Variants in COL25A1 observed in about 807,000 individuals in gnomAD.
The protein encoded by COL25A1 is collagen alpha-1(XXV) chain.
In COL25A1, 103 loss-of-function variants were observed where a neutral mutation model predicts 128.4. The ratio of observed to expected loss-of-function variants is 0.80; its 90% confidence interval spans 0.68 to 0.94. The LOEUF (loss-of-function observed/expected upper bound fraction) is 0.94, where lower values mean the gene tolerates loss of function less well. COL25A1 is among the 40% of genes least tolerant of loss of function. The probability of loss-of-function intolerance (pLI) is 0.00; values close to 1 mark genes in which losing one functional copy is unlikely to be tolerated. For synonymous variants in COL25A1, 279 were observed against 277.2 expected, an observed-to-expected ratio of 1.01 and a Z score of -0.06; for missense variants, 745 against 840.0, an observed-to-expected ratio of 0.89 and a Z score of 1.40.
chr4:108,837,105 T>C (rs960979429), intron 31 of COL25A1, among the ~76,000 whole-genome samples: 1 of 152,134 alleles, frequency 6.6e-6, no homozygotes, highest in Admixed American at 6.6e-5. Context: ...AATAAACCTA[T>C]ATTTTAATAC....
chr4:108,903,977 G>GA (rs1187539438), intron 13 of COL25A1, among the ~76,000 whole-genome samples: 1 of 151,958 alleles, frequency 6.6e-6, no homozygotes, highest in Admixed American at 6.6e-5. Context: ...AAAGCTAGAG[G>GA]AAAAAATGAC....
chr4:109,026,006 C>T (rs572991113), intron 5 of COL25A1, among the ~76,000 whole-genome samples: 7 of 151,342 alleles, frequency 4.6e-5, no homozygotes, highest in African/African-American at 1.2e-4. Context: ...AAGATTACCC[C>T]GAGAAAGAAA....
At chr4:109,142,984 A>G (rs1028905636) in intron 3 of COL25A1, among the ~76,000 whole-genome samples, 1 of 152,120 alleles carries the variant, frequency 6.6e-6, no homozygotes, top group Non-Finnish European at 1.5e-5. Flanking sequence ...CCATTAGTTG[A>G]TGCAGTTTCT....
chr4:109,104,499 A>T (rs1255426493), intron 3 of COL25A1, among the ~76,000 whole-genome samples: 1 of 152,122 alleles, frequency 6.6e-6, no homozygotes, highest in Non-Finnish European at 1.5e-5. Flanking sequence ...GAGAGCAAAA[A>T]TTAGACATGA....
intron 3 of COL25A1, among the ~76,000 whole-genome samples, chr4:109,079,476 T>A (rs1318946650): frequency 6.6e-6 from 1 of 152,114 alleles, no homozygotes; most frequent in African/African-American, 2.4e-5. Flanking sequence ...CTGTGCTAAG[T>A]CCTGAGATGA....
chr4:108,984,427 G>C (rs1269390274), intron 6 of COL25A1, among the ~76,000 whole-genome samples: 1 of 151,942 alleles, frequency 6.6e-6, no homozygotes, highest in Non-Finnish European at 1.5e-5. Context: ...GGGACTGGGC[G>C]CCCTAGAGCG....
At chr4:109,052,376 C>A (rs1423393408) in intron 3 of COL25A1, among the ~76,000 whole-genome samples, 3 of 152,084 alleles carry the variant, frequency 2.0e-5, no homozygotes, top group Non-Finnish European at 4.4e-5. Context: ...GAACAGGATG[C>A]AAGCAAACTC....
At chr4:108,909,511 T>C (rs996892259) in intron 13 of COL25A1, among the ~76,000 whole-genome samples, 18 of 152,358 alleles carry the variant, frequency 1.2e-4, no homozygotes, top group African/African-American at 4.3e-4. Context: ...ATGTTAGTTG[T>C]ATCAATAATA....
intron 31 of COL25A1, among the ~76,000 whole-genome samples, chr4:108,835,861 C>CTTTTTTTTTTTTTTTTTTTTTTTTTT (rs1158184110): frequency 3.5e-4 from 16 of 45,720 alleles, no homozygotes; most frequent in East Asian, 1.5e-3. Context: ...TTACATACGT[C>CTTTTTTTTTTTTTTTTTTTTTTTTTT]TTTTTTTTTT....
intron 27 of COL25A1, among the ~76,000 whole-genome samples, chr4:108,848,106 G>C (rs569811835): frequency 7.2e-4 from 110 of 152,130 alleles, no homozygotes; most frequent in African/African-American, 2.6e-3. Context: ...TTTTTGTACA[G>C]AGTGAATTTA....
rs199743576 is a variant in COL25A1, at chr4:109,018,503, CGTGAGCCACT to C, written c.421-8138_421-8129del. On this transcript the variant is annotated intron_variant, in intron 5 of 37. Transcript: ENST00000399132. ...CCTCCCAAAGTGCTGGGATTACAGG[CGTGAGCCACT>C]GTGCCTGGCCCCATCCTCTCAATGG... Among the ~76,000 whole-genome samples the C allele has an allele frequency of 9.3e-3, 1,417 of 152,290 alleles. 25 individuals carry two copies. The highest frequency in any genetic ancestry group is 0.032 in the African/African-American group (1,313 of 41,556).
At chr4:109,150,875 G>A (rs1771429212) in intron 3 of COL25A1, among the ~76,000 whole-genome samples, 1 of 152,062 alleles carries the variant, frequency 6.6e-6, no homozygotes, top group African/African-American at 2.4e-5. Context: ...AATAGATTAT[G>A]TTCTCAATTC....
chr4:108,847,209 A>G (rs1029840618), intron 27 of COL25A1, among the ~76,000 whole-genome samples: 1 of 152,022 alleles, frequency 6.6e-6, no homozygotes, highest in Non-Finnish European at 1.5e-5. Context: ...CCTGGCCTGA[A>G]TTTTATAATA....
At chr4:108,993,269 G>A (rs2126016055) in intron 6 of COL25A1, among the ~76,000 whole-genome samples, 1 of 152,228 alleles carries the variant, frequency 6.6e-6, no homozygotes, top group East Asian at 1.9e-4. Flanking sequence ...ACATACGCAT[G>A]AGAACACGAG....
At chr4:108,938,585 A>G (rs970081131) in intron 10 of COL25A1, among the ~76,000 whole-genome samples, 14 of 152,198 alleles carry the variant, frequency 9.2e-5, no homozygotes, top group Admixed American at 4.6e-4. Context: ...CAAAGACCTC[A>G]TTGCACACAA....
chr4:109,069,021 C>G (rs942179197), intron 3 of COL25A1, among the ~76,000 whole-genome samples: 1 of 151,986 alleles, frequency 6.6e-6, no homozygotes, highest in South Asian at 2.1e-4. Context: ...CAGGCTATGA[C>G]ACATATTAAG....
At chr4:108,997,741 C>T (rs1442813781) in intron 6 of COL25A1, among the ~76,000 whole-genome samples, 1 of 152,144 alleles carries the variant, frequency 6.6e-6, no homozygotes, top group African/African-American at 2.4e-5. Context: ...TACTGGCAAA[C>T]AGAATTTAGC....
intron 5 of COL25A1, among the ~76,000 whole-genome samples, chr4:109,014,652 T>A (rs915770547): frequency 6.6e-6 from 1 of 152,220 alleles, no homozygotes; most frequent in African/African-American, 2.4e-5. Flanking sequence ...GACTGTTTAC[T>A]ACTAAAAACT....
rs1413620841 is a variant in COL25A1 at position 108,901,163 on chromosome 4, C to A, written c.790G>T (p.Gly264Trp). ...TTCTGTCCTACTGCTCCAGGCAACCCGGGCTCACCCTCAAAATAGAAAAAT... is the reference window on the plus strand; with the variant it reads ...TTCTGTCCTACTGCTCCAGGCAACCAGGGCTCACCCTCAAAATAGAAAAAT... The part of the protein sequence containing the change: ...PGMNGQKGEP[G>W]LPGAVGQNGI... Residue 264 changes from glycine to tryptophan, a missense_variant, in exon 14 of 38, where the codon GGG (glycine) becomes TGG (tryptophan). Gly to Trp is a radical substitution (Grantham distance 184, BLOSUM62 -2). Around this residue, in one of 3 missense-constraint regions of COL25A1, gnomAD observed 39 missense variants for 73.3 expected, o/e 0.53. Coordinates refer to ENST00000399132, the MANE Select transcript of COL25A1 (RefSeq NM_198721.4). 6.2e-7 allele frequency: 1 copy of A among 1,611,386 alleles called. No homozygotes were observed. The highest frequency in any genetic ancestry group is 1.3e-5 in the African/African-American group (1 of 74,788).
Sources: allele counts gnomAD v4.1 joint callset (sites outside exome capture counted in the v4.1 genomes callset), GRCh38; gene constraint gnomAD v4.1.1; regional missense constraint gnomAD v4.1.1; transcripts MANE v1.5; gene names NCBI Gene and HGNC (gene_info 2026-07-23, HGNC 2026-07-21).